NUP160: variants seen among roughly 807,000 people sequenced by gnomAD.
NUP160 encodes nuclear pore complex protein Nup160.
NUP160 carries 94 observed loss-of-function variants against 196.9 expected under a neutral mutation model. The observed-to-expected ratio is 0.48, with a 90% CI of 0.40 to 0.57. The LOEUF (loss-of-function observed/expected upper bound fraction) is 0.57. Ranked by LOEUF, NUP160 falls within the 20% of genes least tolerant of loss-of-function variation. The probability of loss-of-function intolerance (pLI) is 0.00; values close to 1 mark genes in which losing one functional copy is unlikely to be tolerated. For synonymous variants in NUP160, 605 were observed against 619.7 expected, an observed-to-expected ratio of 0.98 and a Z score of 0.35; for missense variants, 1,638 against 1,748.3, an observed-to-expected ratio of 0.94 and a Z score of 1.13.
intron 7 of NUP160, among the ~76,000 whole-genome samples, chr11:47,825,454 C>CTTTT (rs776138457): frequency 8.1e-6 from 1 of 122,836 alleles, no homozygotes; most frequent in African/African-American, 3.1e-5. Context: ...TAATTTTTGC[C>CTTTT]TTTTTTTTTT....
chr11:47,798,759 G>A (rs2097672377), intron 23 of NUP160, among the ~76,000 whole-genome samples: 1 of 151,996 alleles, frequency 6.6e-6, no homozygotes, highest in African/African-American at 2.4e-5. Context: ...GAACCCAGGA[G>A]TTCAAGGTTG....
rs760982163 is a variant in NUP160 at position 47,835,635 on chromosome 11, CTTAT to C, written c.1101+12_1101+15del. 1.5e-5 allele frequency: 24 copies of C among 1,550,462 alleles called. No individual in the cohort carries two copies. The highest frequency in any genetic ancestry group is 1.8e-5 in the Non-Finnish European group (21 of 1,148,420). On this transcript the variant is annotated intron_variant, in intron 7 of 35. Coordinates refer to ENST00000378460, the Ensembl canonical transcript of NUP160. ...ACACACAGAATAACTTGGTATGTGT[CTTAT>C]TTGTTTCATACCTGTCCTCGTTTTG...
intron 28 of NUP160, 70 bp from the exon 29 acceptor site, chr11:47,792,060 C>T (rs961578487): frequency 9.3e-7 from 1 of 1,074,102 alleles, no homozygotes; most frequent in African/African-American, 1.6e-5. Flanking sequence ...AACGGTGATT[C>T]ATAGCTTTTA....
rs751352194 is a variant in NUP160 at position 47,779,128 on chromosome 11, A to C, written c.4288T>G (p.Leu1430Val). 5 of 1,613,748 alleles carry C rather than the reference A, an allele frequency of 3.1e-6. 1 individual carries two copies. The highest frequency in any genetic ancestry group is 2.5e-6 in the Non-Finnish European group (3 of 1,179,632). The change falls in exon 36 of 36, where the codon TTA (leucine) becomes GTA (valine). Residue 1430 changes from leucine to valine, a missense_variant. Leu to Val is a conservative substitution (Grantham distance 32). Coordinates refer to ENST00000378460, the Ensembl canonical transcript of NUP160. The stretch of plus-strand genomic sequence containing the variant: ...AATCACAAGGTCCGACGATATAATA[A>C]ATCCCGTGTTGCCTTATCAACTTTT...
intron 17 of NUP160, 106 bp downstream of exon 17, chr11:47,811,958 C>A: frequency 1.0e-6 from 1 of 977,522 alleles, no homozygotes. Flanking sequence ...AGCAGTGAAC[C>A]AAGACAAAAG....
exon 1 of NUP160, chr11:47,848,409 C>T (rs769856932): frequency 3.2e-6 from 5 of 1,576,960 alleles, no homozygotes; most frequent in African/African-American, 1.3e-5. Context: ...GAGCTGCGGA[C>T]AGGTGAAGCA....
At chr11:47,841,517 AC>A (rs869295629) in intron 2 of NUP160, 10 of 409,400 alleles carry the variant, frequency 2.4e-5, no homozygotes, top group South Asian at 9.5e-5. Flanking sequence ...CTCACTGGCC[AC>A]CACATGGTCC....
intron 7 of NUP160, among the ~76,000 whole-genome samples, chr11:47,830,666 T>C (rs1008046347): frequency 2.6e-5 from 4 of 152,122 alleles, no homozygotes; most frequent in African/African-American, 7.2e-5. Context: ...TGGGAACTTA[T>C]GAACACGAAG....
chr11:47,824,250 T>C lies in NUP160; in HGVS notation c.1102-2086A>G, dbSNP rs1284739259. On this transcript the variant is annotated intron_variant, in intron 7 of 35. Transcript: ENST00000378460. ...CCTTGCCAAGACATTTATTTATTTATTCATTCATTCAATTGTAGATATCCT... is the reference window on the plus strand; with the variant it reads ...CCTTGCCAAGACATTTATTTATTTACTCATTCATTCAATTGTAGATATCCT... Among the ~76,000 whole-genome samples the C allele has an allele frequency of 3.3e-5, 5 of 151,746 alleles. No individual in the cohort carries two copies. The South Asian group carries it at 1.0e-3, about 31-fold the overall frequency.
chr11:47,822,012 A>G, intron 8 of NUP160, 75 bp downstream of exon 8: 1 of 1,088,196 alleles, frequency 9.2e-7, no homozygotes, highest in Non-Finnish European at 1.4e-6. Context: ...CTACAATCCC[A>G]TTATACCATA....
intron 13 of NUP160, among the ~76,000 whole-genome samples, chr11:47,814,785 C>A (rs577625855): frequency 6.6e-6 from 1 of 152,228 alleles, no homozygotes; most frequent in South Asian, 2.1e-4. Context: ...ATGATATCTA[C>A]AACTAACTTC....
intron 7 of NUP160, among the ~76,000 whole-genome samples, chr11:47,826,366 T>C (rs910313381): frequency 2.0e-5 from 3 of 152,200 alleles, no homozygotes; most frequent in Non-Finnish European, 4.4e-5. Flanking sequence ...GTCAAAAAAG[T>C]TATTCTGATT....
intron 17 of NUP160, among the ~76,000 whole-genome samples, chr11:47,810,606 G>A (rs1365867870): frequency 2.6e-5 from 4 of 151,442 alleles, no homozygotes; most frequent in Non-Finnish European, 5.9e-5. Flanking sequence ...GAGTGCAGTG[G>A]TGCAATCTTG....
At chr11:47,805,330 C>A (rs1033416141) in intron 20 of NUP160, among the ~76,000 whole-genome samples, 1 of 152,054 alleles carries the variant, frequency 6.6e-6, no homozygotes, top group African/African-American at 2.4e-5. Context: ...GAGGTTTCAC[C>A]ATGTTGGTCA....
At position 47,816,332 on chromosome 11, in the gene NUP160, G is replaced by A. The variant is rs996616783; in HGVS notation, c.1432-303C>T. On this transcript the variant is annotated intron_variant, in intron 11 of 35. Coordinates refer to ENST00000378460, the Ensembl canonical transcript of NUP160. ...TGACAAAGTGGTCAGTGGAGGTAGAGACAATTAAAGGCTGAATAACTATCA... is the reference window on the plus strand; with the variant it reads ...TGACAAAGTGGTCAGTGGAGGTAGAAACAATTAAAGGCTGAATAACTATCA... 2.6e-5 allele frequency among the ~76,000 whole-genome samples: 4 copies of A among 152,192 alleles called. No individual in the cohort carries two copies. The East Asian group carries it at 7.7e-4, about 29-fold the overall frequency.
chr11:47,815,913 G>A, intron 12 of NUP160, 33 bp downstream of exon 12: 1 of 1,515,258 alleles, frequency 6.6e-7, no homozygotes, highest in Non-Finnish European at 9.2e-7. Context: ...CAAGATGGAA[G>A]GAATTCTTAT....
chr11:47,801,678 CA>C, intron 23 of NUP160, 132 bp downstream of exon 23: 1 of 861,602 alleles, frequency 1.2e-6, no homozygotes, highest in Non-Finnish European at 1.8e-6. Context: ...TAGGCAAATT[CA>C]TTTTTTTTAA....
Position 47,797,960 on chromosome 11 carries a change from C to T in NUP160, c.3183+18G>A, listed in dbSNP as rs1462143317. On this transcript the variant is annotated intron_variant, in intron 26 of 35. Transcript: ENST00000378460. ...CCACCATACTTGTTGAAAGCCATCA[C>T]TGGATAAGTAAAATTACCTCATTAT... The T allele has an allele frequency of 6.4e-7, 1 of 1,553,084 alleles. No homozygotes were observed. Among genetic ancestry groups the T allele is most frequent in the East Asian group, 2.3e-5 (1 of 44,400 alleles).
chr11:47,785,805 G>A lies in NUP160; in HGVS notation c.3848+648C>T, dbSNP rs1432903932. 5.9e-5 allele frequency among the ~76,000 whole-genome samples: 9 copies of A among 152,324 alleles called. No homozygotes were observed. The East Asian group carries it at 1.7e-3, about 29-fold the overall frequency. ...TAAGTTATTCTGATGTGCTAATTTAGGGGTTGAAAACTAATGTCAGAGAAC... is the reference window on the plus strand; with the variant it reads ...TAAGTTATTCTGATGTGCTAATTTAAGGGTTGAAAACTAATGTCAGAGAAC... On this transcript the variant is annotated intron_variant, in intron 32 of 35. Transcript: ENST00000378460.
Sources: allele counts gnomAD v4.1 joint callset (sites outside exome capture counted in the v4.1 genomes callset), GRCh38; gene constraint gnomAD v4.1.1; transcripts MANE v1.5; gene names NCBI Gene and HGNC (gene_info 2026-07-23, HGNC 2026-07-21).